ERI1: variants seen among roughly 807,000 people sequenced by gnomAD.
ERI1 encodes the protein exoribonuclease 1, also known as 3'-5' exoribonuclease 1.
ERI1 carries 39 observed loss-of-function variants against 39.7 expected under a neutral mutation model. That is an observed-to-expected ratio of 0.98 (90% confidence interval 0.76 to 1.28). The LOEUF is 1.28. ERI1 is among the 50% of genes most tolerant of loss of function. ERI1 has a pLI of 0.00. For synonymous variants in ERI1, 204 were observed against 149.6 expected (o/e 1.36, Z -2.65); for missense variants, 581 against 416.9 (o/e 1.39, Z -3.43).
chr8:9,067,665 A>T (rs557593217), intron 3 of ERI1, among the ~76,000 whole-genome samples: 131 of 151,734 alleles, frequency 8.6e-4, no homozygotes, highest in African/African-American at 3.0e-3. Context: ...AAAAAAAAAA[A>T]AAAAAGGTGA....
intron 6 of ERI1, among the ~76,000 whole-genome samples, chr8:9,028,120 T>C (rs1464694246): frequency 2.0e-5 from 3 of 152,214 alleles, no homozygotes; most frequent in African/African-American, 7.2e-5. Context: ...TCTTCTTCAA[T>C]TTTTTTGTAG....
downstream of ERI1, among the ~76,000 whole-genome samples, chr8:9,034,624 A>G (rs538448702): frequency 6.6e-6 from 1 of 152,278 alleles, no homozygotes; most frequent in Non-Finnish European, 1.5e-5. Flanking sequence ...TGTTTTCCCC[A>G]TCGCTCCCTC....
At chr8:9,086,359 G>A (rs1038056960) in intron 3 of ERI1, among the ~76,000 whole-genome samples, 11 of 152,086 alleles carry the variant, frequency 7.2e-5, no homozygotes, top group African/African-American at 2.7e-4. Context: ...AGACCAGCCT[G>A]GGTAATATGG....
At chr8:9,069,879 A>G (rs1053409916) in intron 3 of ERI1, among the ~76,000 whole-genome samples, 5 of 152,216 alleles carry the variant, frequency 3.3e-5, no homozygotes, top group Non-Finnish European at 7.3e-5. Context: ...TCAACAGAGG[A>G]ATTTGCAGGT....
At chr8:9,093,140 A>C (rs1799760199) in intron 3 of ERI1, among the ~76,000 whole-genome samples, 1 of 152,242 alleles carries the variant, frequency 6.6e-6, no homozygotes, top group Non-Finnish European at 1.5e-5. Flanking sequence ...CCAGGTCTCC[A>C]AACACAGCAG....
rs756847102 is a variant in ERI1, at chr8:9,004,087, C to T, written c.108+916C>T. The T allele has an allele frequency of 1.8e-5, 23 of 1,289,158 alleles. 1 individual carries two copies. In the South Asian group the frequency reaches 2.0e-4, roughly 11 times the overall value. The allele number at this position is 1,289,158 out of a possible 1,614,324, so 79.9% of individuals were successfully genotyped here. ...TTTTGTTCCCAGTGCCCCTCGCTGC[C>T]TTGTGTTCTTTGACATTGGAAAGAA... On this transcript the variant is annotated intron_variant, in intron 1 of 6. Transcript: ENST00000250263.
chr8:9,017,535 T>G (rs1817437068), intron 4 of ERI1, among the ~76,000 whole-genome samples: 1 of 152,164 alleles, frequency 6.6e-6, no homozygotes, highest in African/African-American at 2.4e-5. Flanking sequence ...TAAGTCAGTG[T>G]TTTATTGCGG....
At chr8:9,070,073 T>C (rs1798999811) in intron 3 of ERI1, among the ~76,000 whole-genome samples, 1 of 151,870 alleles carries the variant, frequency 6.6e-6, no homozygotes, top group African/African-American at 2.4e-5. Context: ...ACCCTGCCTC[T>C]ACTAAAAATA....
At position 9,008,166 on chromosome 8, in the gene ERI1, A is replaced by C. The variant is rs546708028; in HGVS notation, c.287+18A>C. The C allele has an allele frequency of 6.6e-7, 1 of 1,521,460 alleles. No homozygotes were observed. Among genetic ancestry groups the C allele is most frequent in the Non-Finnish European group, 8.8e-7 (1 of 1,132,886 alleles). 94.2% of individuals were successfully genotyped at this position (1,521,460 alleles called of 1,614,324 possible). A position where few individuals can be genotyped will look rare whatever the true frequency, so the allele number is the denominator to read the frequency against. On this transcript the variant is annotated intron_variant, in intron 2 of 6. Transcript: ENST00000250263. ...GAAACTAGGTAATTAAAAATAACTT[A>C]TAAAATTATAAAAGTAGTACATGCT... is the stretch of plus-strand genomic sequence containing the variant.
chr8:9,017,610 A>G (rs868451280), intron 4 of ERI1, among the ~76,000 whole-genome samples: 3 of 152,194 alleles, frequency 2.0e-5, no homozygotes, highest in Non-Finnish European at 4.4e-5. Flanking sequence ...TGTCCTGGGG[A>G]AAAACATCCT....
At chr8:9,021,765 GTTTTTTTTGTTT>G (rs958769550) in intron 6 of ERI1, among the ~76,000 whole-genome samples, 13 of 51,110 alleles carry the variant, frequency 2.5e-4, no homozygotes, top group African/African-American at 9.6e-4. Flanking sequence ...TATATTATTT[GTTTTTTTTGTTT>G]TTTTTTTTTT....
chr8:9,085,656 C>G (rs913297683), intron 3 of ERI1, among the ~76,000 whole-genome samples: 1 of 151,862 alleles, frequency 6.6e-6, no homozygotes, highest in Non-Finnish European at 1.5e-5. Flanking sequence ...ACAGTATTTA[C>G]TATCTGGCCC....
rs149692530 is a variant in ERI1, at chr8:9,098,156, G to C, written n.300-18192G>C. On this transcript the variant is annotated intron_variant and non_coding_transcript_variant, in intron 3 of 3. Transcript: ENST00000518663. ...TCCAGCACTTTGGGAGGCTGGGGTG[G>C]GCTGATCACTTGAGGTCAGGAGTAT... Among the ~76,000 whole-genome samples the C allele has an allele frequency of 2.0e-3, 297 of 152,288 alleles. 3 individuals carry two copies. The highest frequency in any genetic ancestry group is 7.0e-3 in the African/African-American group (293 of 41,572).
At chr8:9,081,551 G>C (rs561248102) in intron 3 of ERI1, among the ~76,000 whole-genome samples, 1 of 152,034 alleles carries the variant, frequency 6.6e-6, no homozygotes, top group African/African-American at 2.4e-5. Flanking sequence ...ATGTTCCCTG[G>C]GATCCCTCTT....
At chr8:9,049,748 C>T (rs1361257460) in intron 3 of ERI1, 2 of 152,072 alleles carry the variant, frequency 1.3e-5, no homozygotes, top group Admixed American at 1.3e-4. Context: ...CCTCCCACAA[C>T]CCCCGCAAAA....
chr8:9,029,448 C>T (rs189792845), intron 6 of ERI1, among the ~76,000 whole-genome samples: 2 of 152,112 alleles, frequency 1.3e-5, no homozygotes, highest in African/African-American at 2.4e-5. Flanking sequence ...CCTGCCTCAG[C>T]CTCCCAGGTA....
At chr8:9,085,773 A>C (rs545221264) in intron 3 of ERI1, among the ~76,000 whole-genome samples, 1 of 152,212 alleles carries the variant, frequency 6.6e-6, no homozygotes, top group Admixed American at 6.5e-5. Flanking sequence ...TGTGACGCTA[A>C]TTTATAACAA....
chr8:9,099,132 G>A (rs1205684579), intron 3 of ERI1, among the ~76,000 whole-genome samples: 2 of 151,712 alleles, frequency 1.3e-5, no homozygotes, highest in Non-Finnish European at 2.9e-5. Flanking sequence ...ACCACACCCG[G>A]CCACAATTTG....
At chr8:9,028,050 C>G (rs941701746) in intron 6 of ERI1, among the ~76,000 whole-genome samples, 6 of 152,108 alleles carry the variant, frequency 3.9e-5, no homozygotes, top group African/African-American at 1.2e-4. Flanking sequence ...CTCATGAGGT[C>G]TTTGTCAGGC....
Sources: allele counts gnomAD v4.1 joint callset (sites outside exome capture counted in the v4.1 genomes callset), GRCh38; gene constraint gnomAD v4.1.1; transcripts MANE v1.5; gene names NCBI Gene and HGNC (gene_info 2026-07-23, HGNC 2026-07-21).